Variants in ST6GALNAC5 observed in about 807,000 individuals in gnomAD.
ST6GALNAC5 encodes alpha-N-acetylgalactosaminide alpha-2,6-sialyltransferase 5.
A neutral mutation model predicts 33.6 loss-of-function variants in ST6GALNAC5; 27 were observed. The observed-to-expected ratio is 0.80, with a 90% CI of 0.59 to 1.11. The LOEUF (loss-of-function observed/expected upper bound fraction) is 1.11. Ranked by LOEUF, ST6GALNAC5 falls within the 50% of genes least tolerant of loss-of-function variation. The probability of loss-of-function intolerance (pLI) is 0.00; values close to 1 mark genes in which losing one functional copy is unlikely to be tolerated. For synonymous variants in ST6GALNAC5, 194 were observed against 171.2 expected, an observed-to-expected ratio of 1.13 and a Z score of -1.04; for missense variants, 428 against 454.0, an observed-to-expected ratio of 0.94 and a Z score of 0.52.
chr1:76,976,963 G>A (rs1214063155), intron 2 of ST6GALNAC5, among the ~76,000 whole-genome samples: 1 of 152,128 alleles, frequency 6.6e-6, no homozygotes, highest in Non-Finnish European at 1.5e-5. Context: ...TGATTTAGTA[G>A]GTCTGAGTTG....
chr1:76,994,820 A>T (rs1649863538), intron 2 of ST6GALNAC5, among the ~76,000 whole-genome samples: 1 of 152,096 alleles, frequency 6.6e-6, no homozygotes, highest in African/African-American at 2.4e-5. Context: ...TCTAGAGGAG[A>T]TTATTAGAAA....
intron 2 of ST6GALNAC5, among the ~76,000 whole-genome samples, chr1:76,911,960 C>T (rs1646918482): frequency 6.6e-6 from 1 of 152,132 alleles, no homozygotes; most frequent in South Asian, 2.1e-4. Context: ...TTCTTGCCTT[C>T]TGCTAGCTTT....
chr1:76,911,457 T>C (rs1351207329), intron 2 of ST6GALNAC5, among the ~76,000 whole-genome samples: 1 of 152,198 alleles, frequency 6.6e-6, no homozygotes, highest in African/African-American at 2.4e-5. Flanking sequence ...GCTGGCCTCA[T>C]AAAATGAGTT....
At chr1:77,050,590 C>G (rs1433737663) in intron 4 of ST6GALNAC5, among the ~76,000 whole-genome samples, 1 of 152,174 alleles carries the variant, frequency 6.6e-6, no homozygotes, top group Non-Finnish European at 1.5e-5. Flanking sequence ...ATCTTGTGGG[C>G]TCCATTTATC....
intron 4 of ST6GALNAC5, among the ~76,000 whole-genome samples, chr1:77,055,389 A>T (rs1652358336): frequency 6.6e-6 from 1 of 152,172 alleles, no homozygotes; most frequent in Non-Finnish European, 1.5e-5. Context: ...CTTTACTAAT[A>T]ACATTAATGG....
chr1:77,017,267 G>A (rs530430310), intron 2 of ST6GALNAC5, among the ~76,000 whole-genome samples: 161 of 152,110 alleles, frequency 1.1e-3, no homozygotes, highest in South Asian at 5.0e-3. Context: ...CTTCAGCATC[G>A]GAATGTCAAT....
intron 2 of ST6GALNAC5, among the ~76,000 whole-genome samples, chr1:76,872,875 C>A (rs1003636098): frequency 6.6e-6 from 1 of 152,110 alleles, no homozygotes; most frequent in African/African-American, 2.4e-5. Flanking sequence ...ATCAAACCCC[C>A]AAAATCAGAA....
At chr1:77,027,358 G>C (rs1425186175) in intron 2 of ST6GALNAC5, among the ~76,000 whole-genome samples, 1 of 152,230 alleles carries the variant, frequency 6.6e-6, no homozygotes, top group Non-Finnish European at 1.5e-5. Context: ...ATTGCTGGAA[G>C]TGCGAGCTTA....
At chr1:77,040,305 C>T (rs1016425654) in intron 2 of ST6GALNAC5, among the ~76,000 whole-genome samples, 5 of 152,218 alleles carry the variant, frequency 3.3e-5, no homozygotes, top group African/African-American at 1.2e-4. Flanking sequence ...TTACCAAAAG[C>T]ACCTAAGGCA....
intron 2 of ST6GALNAC5, among the ~76,000 whole-genome samples, chr1:76,913,944 C>G (rs1646940974): frequency 1.3e-5 from 2 of 152,136 alleles, no homozygotes; most frequent in African/African-American, 4.8e-5. Context: ...TTAGAAAACC[C>G]CATTGTCTCA....
At chr1:76,907,654 A>G (rs976794119) in intron 2 of ST6GALNAC5, among the ~76,000 whole-genome samples, 20 of 151,692 alleles carry the variant, frequency 1.3e-4, no homozygotes, top group Non-Finnish European at 1.5e-5. Context: ...AATTCCTCCA[A>G]CTCTATCCAA....
intron 2 of ST6GALNAC5, among the ~76,000 whole-genome samples, chr1:77,012,494 G>A (rs1443938881): frequency 6.6e-6 from 1 of 152,122 alleles, no homozygotes; most frequent in Non-Finnish European, 1.5e-5. Context: ...GATAGTAGGG[G>A]ACACGAAATG....
At chr1:77,044,173 C>T (rs1557772330) in intron 2 of ST6GALNAC5, 31 bp from the exon 3 acceptor site, 1 of 1,567,186 alleles carries the variant, frequency 6.4e-7, no homozygotes, top group East Asian at 2.3e-5. Flanking sequence ...CCCTTTGCCC[C>T]TGACAGTGTC....
At chr1:76,900,319 G>A (rs578171764) in intron 2 of ST6GALNAC5, among the ~76,000 whole-genome samples, 27 of 151,256 alleles carry the variant, frequency 1.8e-4, no homozygotes, top group African/African-American at 5.3e-4. Flanking sequence ...GGCAGGAATC[G>A]GCCATCTGGA....
In ST6GALNAC5 at chr1:77,067,398, T is replaced by G. The variant is rs1652818395; in HGVS notation, c.*4192T>G. ...CTACCTTGAATTGTGCTTCGTCTTTTTATGCATGTGTCCTGTTAGTCTAAT... is the reference window on the plus strand; with the variant it reads ...CTACCTTGAATTGTGCTTCGTCTTTGTATGCATGTGTCCTGTTAGTCTAAT... On this transcript the variant is annotated 3_prime_UTR_variant, in exon 5 of 5. Transcript: ENST00000477717. Among the ~76,000 whole-genome samples the G allele has an allele frequency of 6.6e-6, 1 of 152,218 alleles. No individual in the cohort carries two copies. Among genetic ancestry groups the G allele is most frequent in the African/African-American group, 2.4e-5 (1 of 41,462 alleles).
intron 3 of ST6GALNAC5, among the ~76,000 whole-genome samples, chr1:77,048,981 T>C (rs1012274781): frequency 6.6e-6 from 1 of 152,132 alleles, no homozygotes; most frequent in Non-Finnish European, 1.5e-5. Context: ...TAAATATGCT[T>C]TCTGGGATGT....
intron 2 of ST6GALNAC5, among the ~76,000 whole-genome samples, chr1:76,972,128 A>G (rs1269147268): frequency 6.6e-6 from 1 of 152,224 alleles, no homozygotes; most frequent in Non-Finnish European, 1.5e-5. Flanking sequence ...ACAGTTCCAC[A>G]TAGCTGGGGA....
At chr1:76,959,064 C>T (rs530171944) in intron 2 of ST6GALNAC5, among the ~76,000 whole-genome samples, 6 of 152,274 alleles carry the variant, frequency 3.9e-5, no homozygotes, top group East Asian at 3.9e-4. Flanking sequence ...AGGCCTTCAG[C>T]GCTGGCTCTG....
At chr1:77,032,453 C>T (rs994071911) in intron 2 of ST6GALNAC5, among the ~76,000 whole-genome samples, 2 of 152,088 alleles carry the variant, frequency 1.3e-5, no homozygotes, top group Admixed American at 6.6e-5. Context: ...AAATGATTAA[C>T]GTCAACAGAC....
Sources: gnomAD v4.1 joint callset for allele counts (sites outside exome capture counted in the v4.1 genomes callset) on GRCh38, gnomAD v4.1.1 for gene constraint, MANE v1.5 for transcripts, NCBI Gene and HGNC (gene_info 2026-07-23, HGNC 2026-07-21) for gene names.